The following PRKCE variants were observed in gnomAD, a reference collection of about 807,000 sequenced individuals.
PRKCE encodes protein kinase C epsilon type.
In PRKCE, 16 loss-of-function variants were observed where a neutral mutation model predicts 85.4. That is an observed-to-expected ratio of 0.19 (90% CI 0.13 to 0.28). The LOEUF (loss-of-function observed/expected upper bound fraction) is 0.28, where lower values mean the gene tolerates loss of function less well. Ranked by LOEUF, PRKCE falls within the 10% of genes least tolerant of loss-of-function variation. PRKCE has a pLI of 1.00. For synonymous variants in PRKCE, 388 were observed against 371.5 expected, an observed-to-expected ratio of 1.04 and a Z score of -0.51; for missense variants, 573 against 975.2, an observed-to-expected ratio of 0.59 and a Z score of 5.49.
rs149176452 is a variant in PRKCE, at chr2:45,759,669, G to A, written c.349-83331G>A. Among the ~76,000 whole-genome samples the A allele has an allele frequency of 3.4e-3, 520 of 152,304 alleles. 1 individual carries two copies. Among genetic ancestry groups the A allele is most frequent in the Admixed American group, 6.8e-3 (104 of 15,298 alleles). On this transcript the variant is annotated intron_variant, in intron 1 of 14. Coordinates refer to ENST00000306156, the MANE Select transcript of PRKCE (RefSeq NM_005400.3). ...TTTGATGTAAGTATAGAAGTGCCTCGGTTATGATCTCAGGAGTAAGACAGA... is the reference window on the plus strand; with the variant it reads ...TTTGATGTAAGTATAGAAGTGCCTCAGTTATGATCTCAGGAGTAAGACAGA...
chr2:46,129,084 G>A (rs1040150144), intron 11 of PRKCE, among the ~76,000 whole-genome samples: 2 of 152,166 alleles, frequency 1.3e-5, no homozygotes, highest in African/African-American at 4.8e-5. Flanking sequence ...AGCAAGACGT[G>A]CACCCTCTCT....
At chr2:46,168,790 G>C (rs1328599156) in intron 14 of PRKCE, among the ~76,000 whole-genome samples, 3 of 152,170 alleles carry the variant, frequency 2.0e-5, no homozygotes, top group Admixed American at 6.5e-5. Flanking sequence ...AGGGCCTCTG[G>C]GGAGGCTGGG....
chr2:45,902,359 G>T (rs191899196), intron 2 of PRKCE, among the ~76,000 whole-genome samples: 126 of 152,262 alleles, frequency 8.3e-4, no homozygotes, highest in African/African-American at 2.7e-3. Context: ...GCCTGCCAAT[G>T]CCCAGCCTGC....
intron 1 of PRKCE, among the ~76,000 whole-genome samples, chr2:45,801,442 A>T (rs748416120): frequency 1.2e-4 from 19 of 152,060 alleles, no homozygotes; most frequent in Non-Finnish European, 2.1e-4. Context: ...TGCTCATTGG[A>T]ACAGGAAGGG....
chr2:45,867,467 G>A (rs1424920820), intron 2 of PRKCE, among the ~76,000 whole-genome samples: 1 of 152,308 alleles, frequency 6.6e-6, no homozygotes, highest in Non-Finnish European at 1.5e-5. Context: ...CTTCCCTGCT[G>A]CAGCCAACAG....
At chr2:45,776,945 T>C (rs4953255) in intron 1 of PRKCE, among the ~76,000 whole-genome samples, 88,776 of 152,024 alleles carry the variant, frequency 0.58, 27,314 homozygotes, top group East Asian at 0.8. Flanking sequence ...CATTTTTTTT[T>C]TGATATAACT....
At position 46,020,037 on chromosome 2, in the gene PRKCE, A is replaced by G. The variant is rs530045935; in HGVS notation, c.1437+9520A>G. 3.7e-4 allele frequency among the ~76,000 whole-genome samples: 57 copies of G among 152,086 alleles called. 2 individuals carry two copies. The South Asian group carries it at 0.012, about 31-fold the overall frequency. On this transcript the variant is annotated intron_variant, in intron 10 of 14. Transcript: ENST00000306156. ...GCTAATTTTTGTATTTTTAGTAGAA[A>G]TGGGGTTTTACCATGTTGGCCAGGC...
chr2:46,142,489 G>C (rs1675638831), intron 11 of PRKCE, among the ~76,000 whole-genome samples: 1 of 152,200 alleles, frequency 6.6e-6, no homozygotes, highest in South Asian at 2.1e-4. Flanking sequence ...AAATACAGAG[G>C]GGGAATTGGA....
chr2:45,889,654 C>T lies in PRKCE; in HGVS notation c.412+46591C>T, dbSNP rs570305126. ...AGGTGTGTTCCCATAGGAAGTCAGG[C>T]ATGCCTTAAATAGACTTCCCAGGAA... On this transcript the variant is annotated intron_variant, in intron 2 of 14. Transcript: ENST00000306156. Among the ~76,000 whole-genome samples the T allele has an allele frequency of 1.9e-3, 288 of 152,328 alleles. 2 individuals are homozygous for T. The highest frequency in any genetic ancestry group is 3.3e-3 in the Non-Finnish European group (225 of 68,038).
chr2:45,704,018 A>G (rs1463860612), intron 1 of PRKCE, among the ~76,000 whole-genome samples: 1 of 152,228 alleles, frequency 6.6e-6, no homozygotes, highest in African/African-American at 2.4e-5. Flanking sequence ...TATTTCACCC[A>G]TTCATCTATC....
intron 11 of PRKCE, among the ~76,000 whole-genome samples, chr2:46,117,178 C>G (rs890950479): frequency 2.6e-5 from 4 of 152,194 alleles, no homozygotes; most frequent in Non-Finnish European, 4.4e-5. Flanking sequence ...AGGAAATAGA[C>G]TGACTTTTTT....
intron 11 of PRKCE, among the ~76,000 whole-genome samples, chr2:46,118,068 T>A (rs947963429): frequency 8.5e-5 from 13 of 152,282 alleles, no homozygotes; most frequent in African/African-American, 3.1e-4. Context: ...GGGATTAATG[T>A]GAACAATAAG....
intron 11 of PRKCE, among the ~76,000 whole-genome samples, chr2:46,120,780 C>A (rs1311546043): frequency 6.6e-6 from 1 of 152,170 alleles, no homozygotes; most frequent in African/African-American, 2.4e-5. Context: ...AAGGATGCCA[C>A]CCATGTTTCA....
At chr2:45,673,403 C>A (rs1676269773) in intron 1 of PRKCE, among the ~76,000 whole-genome samples, 1 of 152,184 alleles carries the variant, frequency 6.6e-6, no homozygotes, top group Non-Finnish European at 1.5e-5. Context: ...TATTTTCCAT[C>A]AGTTTTCTGG....
At chr2:46,121,969 T>C (rs1245101930) in intron 11 of PRKCE, among the ~76,000 whole-genome samples, 1 of 152,162 alleles carries the variant, frequency 6.6e-6, no homozygotes, top group Non-Finnish European at 1.5e-5. Context: ...TCACCCTTTT[T>C]CCCTCCTTCC....
chr2:45,743,256 C>A lies in PRKCE; in HGVS notation c.348+90808C>A, dbSNP rs562748578. Among the ~76,000 whole-genome samples the A allele has an allele frequency of 2.6e-5, 4 of 152,194 alleles. No homozygotes were observed. In the East Asian group the frequency reaches 7.7e-4, roughly 29 times the overall value. ...CTTGAAATTTGCCAAGAGGGTGGATCTTAACTATACTCACCATACAAAAAA... is the reference window on the plus strand; with the variant it reads ...CTTGAAATTTGCCAAGAGGGTGGATATTAACTATACTCACCATACAAAAAA... On this transcript the variant is annotated intron_variant, in intron 1 of 14. Transcript: ENST00000306156.
At chr2:46,012,804 A>G (rs1313216759) in intron 10 of PRKCE, among the ~76,000 whole-genome samples, 1 of 152,222 alleles carries the variant, frequency 6.6e-6, no homozygotes, top group African/African-American at 2.4e-5. Flanking sequence ...TAACAAGGCT[A>G]AGGATTCCTC....
intron 1 of PRKCE, among the ~76,000 whole-genome samples, chr2:45,842,032 A>C (rs1162706052): frequency 6.6e-6 from 1 of 151,314 alleles, no homozygotes; most frequent in African/African-American, 2.4e-5. Flanking sequence ...AGAGGCTAGC[A>C]GGGGGACTTG....
At chr2:45,761,713 G>A (rs1200034064) in intron 1 of PRKCE, among the ~76,000 whole-genome samples, 1 of 152,066 alleles carries the variant, frequency 6.6e-6, no homozygotes, top group Non-Finnish European at 1.5e-5. Flanking sequence ...GCTTGCCCTG[G>A]CTTCCTGCAA....
Sources: gnomAD v4.1 joint callset for allele counts (sites outside exome capture counted in the v4.1 genomes callset) on GRCh38, gnomAD v4.1.1 for gene constraint, MANE v1.5 for transcripts, NCBI Gene and HGNC (gene_info 2026-07-23, HGNC 2026-07-21) for gene names.